The following EPB41L1 variants were observed in gnomAD, a reference collection of about 807,000 sequenced individuals.
EPB41L1 encodes the protein band 4.1-like protein 1.
Under a neutral mutation model 97.8 loss-of-function variants are expected in EPB41L1, and 29 were observed. That is an observed-to-expected ratio of 0.30 (90% CI 0.22 to 0.40). EPB41L1 has a LOEUF of 0.40. EPB41L1 is among the 10% of genes least tolerant of loss of function. EPB41L1 has a pLI of 1.00. For missense variants in EPB41L1, 812 were observed against 1,162.3 expected (o/e 0.70, Z 4.38); for synonymous variants, 383 against 459.2 (o/e 0.83, Z 2.12).
chr20:36,133,511 G>C (rs1239535736), intron 2 of EPB41L1, among the ~76,000 whole-genome samples: 1 of 152,182 alleles, frequency 6.6e-6, no homozygotes, highest in African/African-American at 2.4e-5. Context: ...TTGAGACAGA[G>C]GTACCTTCTT....
At chr20:36,119,546 G>A (rs1180883891) in intron 2 of EPB41L1, among the ~76,000 whole-genome samples, 1 of 151,782 alleles carries the variant, frequency 6.6e-6, no homozygotes, top group African/African-American at 2.4e-5. Flanking sequence ...GCAGAGAGTC[G>A]AGATTGAGCC....
At chr20:36,137,962 T>C (rs773948065) in intron 2 of EPB41L1, among the ~76,000 whole-genome samples, 2 of 152,254 alleles carry the variant, frequency 1.3e-5, no homozygotes, top group Non-Finnish European at 2.9e-5. Context: ...AGTGGAATCA[T>C]ACAGTGTTTG....
chr20:36,232,767 A>G lies in EPB41L1; in HGVS notation c.*3427A>G. 2.5e-6 allele frequency: 1 copy of G among 397,644 alleles called. No individual in the cohort carries two copies. The highest frequency in any genetic ancestry group is 4.4e-6 in the Non-Finnish European group (1 of 225,934). The allele number at this position is 397,644 out of a possible 1,614,324, so 24.6% of individuals were successfully genotyped here. ...CTCTCTGTTCTTGTATACTCAATATAAGTGAAATAAATGTGTTTGATGCTG... is the reference window on the plus strand; with the variant it reads ...CTCTCTGTTCTTGTATACTCAATATGAGTGAAATAAATGTGTTTGATGCTG... On this transcript the variant is annotated 3_prime_UTR_variant, in exon 22 of 22. Transcript: ENST00000338074.
At chr20:36,155,258 CAGG>C in intron 1 of EPB41L1, 2 of 445,202 alleles carry the variant, frequency 4.5e-6, no homozygotes, top group South Asian at 1.6e-5. Context: ...TCTGACGCTG[CAGG>C]AGGAGTTCTT....
chr20:36,192,023 C>T (rs1375177928), intron 11 of EPB41L1, among the ~76,000 whole-genome samples: 8 of 152,020 alleles, frequency 5.3e-5, no homozygotes. Context: ...GTCAGGAGTT[C>T]GAGACCAGCC....
At chr20:36,094,789 T>C (rs1293715820) in intron 1 of EPB41L1, among the ~76,000 whole-genome samples, 1 of 151,436 alleles carries the variant, frequency 6.6e-6, no homozygotes, top group Non-Finnish European at 1.5e-5. Flanking sequence ...TGGCCTGGAG[T>C]TCATGAGCTC....
chr20:36,152,106 CAAAAAAGAAAAA>C (rs1267942551), upstream of EPB41L1: 1 of 143,006 alleles, frequency 7.0e-6, no homozygotes, highest in Non-Finnish European at 1.5e-5. Flanking sequence ...GACTCCGTCT[CAAAAAAGAAAAA>C]AAAAAAGATG....
chr20:36,178,574 C>T, intron 4 of EPB41L1, 56 bp from the exon 5 acceptor site: 1 of 1,550,292 alleles, frequency 6.5e-7, no homozygotes. Context: ...TCTCTCTCAG[C>T]CCAGTCAGGT....
intron 4 of EPB41L1, 70 bp downstream of exon 4, chr20:36,178,126 C>A: frequency 8.8e-7 from 1 of 1,137,564 alleles, no homozygotes; most frequent in Non-Finnish European, 1.3e-6. Flanking sequence ...CCACCCCCAA[C>A]AGCATCCATT....
Position 36,207,408 on chromosome 20 carries a change from AGAG to A in EPB41L1, c.1669-2078_1669-2076del. Reference sequence around the variant, plus strand: ...TGACCTCTTTCCAGGCTGGGGACCAAGAGGGCTCCCTAGAAGATATTAGCAAGA... The same window carrying A: ...TGACCTCTTTCCAGGCTGGGGACCAAGGCTCCCTAGAAGATATTAGCAAGA... On this transcript the variant is annotated intron_variant, in intron 14 of 21. Coordinates refer to ENST00000338074, the MANE Select transcript of EPB41L1 (RefSeq NM_012156.2). This position sits in a 1 kb window ranked among gnomAD's most constrained non-coding sequence, Gnocchi z 4.9. The A allele has an allele frequency of 7.8e-7, 1 of 1,289,728 alleles. No homozygotes were observed. The highest frequency in any genetic ancestry group is 2.1e-4 in the Middle Eastern group (1 of 4,694). 79.9% of individuals were successfully genotyped at this position (1,289,728 alleles called of 1,614,324 possible). A position where few individuals can be genotyped will look rare whatever the true frequency, so the allele number is the denominator to read the frequency against.
At chr20:36,139,865 G>A (rs2059569523) in intron 2 of EPB41L1, among the ~76,000 whole-genome samples, 1 of 152,108 alleles carries the variant, frequency 6.6e-6, no homozygotes, top group Non-Finnish European at 1.5e-5. Context: ...CTGAGTAGCT[G>A]AGATTACAGG....
intron 1 of EPB41L1, among the ~76,000 whole-genome samples, chr20:36,171,724 A>G (rs2060997097): frequency 6.6e-6 from 1 of 152,104 alleles, no homozygotes; most frequent in African/African-American, 2.4e-5. Context: ...CTGAAAAATG[A>G]AAAGGAAGTG....
chr20:36,099,361 G>C (rs2057935615), intron 1 of EPB41L1, among the ~76,000 whole-genome samples: 1 of 152,040 alleles, frequency 6.6e-6, no homozygotes, highest in African/African-American at 2.4e-5. Flanking sequence ...ACCTAATCTT[G>C]CTTTACTTTC....
Position 36,206,603 on chromosome 20 carries a change from T to A in EPB41L1, c.1669-2885T>A, listed in dbSNP as rs774643403. ...ACGCTGAATTCCTTAGACCTGAGGG[T>A]TTCTGCTGCTGCTTCCAGCAGGAGC... On this transcript the variant is annotated intron_variant, in intron 14 of 21. Coordinates refer to ENST00000338074, the MANE Select transcript of EPB41L1 (RefSeq NM_012156.2). This position sits in a 1 kb window ranked among gnomAD's most constrained non-coding sequence, Gnocchi z 5.5. 2.5e-5 allele frequency: 32 copies of A among 1,289,352 alleles called. No individual in the cohort carries two copies. Among genetic ancestry groups the A allele is most frequent in the Middle Eastern group, 4.2e-4 (2 of 4,718 alleles). 79.9% of individuals were successfully genotyped at this position (1,289,352 alleles called of 1,614,324 possible). A position where few individuals can be genotyped will look rare whatever the true frequency, so the allele number is the denominator to read the frequency against.
chr20:36,190,855 T>C lies in EPB41L1; in HGVS notation c.1300+58T>C, dbSNP rs2061917127. 1.3e-6 allele frequency: 2 copies of C among 1,594,750 alleles called. No homozygotes were observed. The highest frequency in any genetic ancestry group is 1.7e-5 in the Admixed American group (1 of 58,754). On this transcript the variant is annotated intron_variant, in intron 11 of 21. Transcript: ENST00000338074. This position sits in a 1 kb window ranked among gnomAD's most constrained non-coding sequence, Gnocchi z 5.8. ...TGGTCTTCAGAGGGAACTGGGGGAG[T>C]GGGCATGCTGGGTTCTGCAGAATGA...
At chr20:36,101,111 C>T (rs550763765) in intron 1 of EPB41L1, among the ~76,000 whole-genome samples, 17 of 152,308 alleles carry the variant, frequency 1.1e-4, no homozygotes, top group African/African-American at 3.8e-4. Flanking sequence ...TTTGTCTCCT[C>T]ACAAGACTGC....
At chr20:36,187,892 C>T (rs2061752362) in intron 8 of EPB41L1, 129 bp downstream of exon 8, 2 of 782,502 alleles carry the variant, frequency 2.6e-6, no homozygotes, top group Non-Finnish European at 4.4e-6. Flanking sequence ...TGTTCTCATT[C>T]TCATTTCTCG....
At chr20:36,136,578 CT>C (rs2059424224) in intron 2 of EPB41L1, among the ~76,000 whole-genome samples, 1 of 150,458 alleles carries the variant, frequency 6.6e-6, no homozygotes, top group Non-Finnish European at 1.5e-5. Flanking sequence ...ACTTTTAAAT[CT>C]TTTTTCTTTC....
intron 2 of EPB41L1, among the ~76,000 whole-genome samples, chr20:36,114,954 G>A (rs1440332785): frequency 6.6e-6 from 1 of 152,142 alleles, no homozygotes; most frequent in African/African-American, 2.4e-5. Context: ...TAGGATATTA[G>A]TGGAGCTCTA....
Sources: gnomAD v4.1 joint callset for allele counts (sites outside exome capture counted in the v4.1 genomes callset) on GRCh38, gnomAD v4.1.1 for gene constraint, Gnocchi (gnomAD v3.1) non-coding constraint, MANE v1.5 for transcripts, NCBI Gene and HGNC (gene_info 2026-07-23, HGNC 2026-07-21) for gene names.